DOP1B: variants seen among roughly 807,000 people sequenced by gnomAD.
DOP1B encodes the protein DOP1 leucine zipper like protein B.
A neutral mutation model predicts 233.5 loss-of-function variants in DOP1B; 174 were observed. The ratio of observed to expected loss-of-function variants is 0.75; its 90% CI spans 0.66 to 0.85. The LOEUF is 0.85. Among genes scored for constraint, DOP1B ranks in the 40% least tolerant of loss-of-function variants. The pLI, the probability that DOP1B is intolerant of heterozygous loss-of-function variation, is 0.00. For synonymous variants in DOP1B, 1,190 were observed against 1,185.6 expected, an observed-to-expected ratio of 1.00 and a Z score of -0.08; for missense variants, 2,652 against 2,846.6, an observed-to-expected ratio of 0.93 and a Z score of 1.56.
chr21:36,196,634 C>T (rs989776557), intron 2 of DOP1B, among the ~76,000 whole-genome samples: 2 of 151,856 alleles, frequency 1.3e-5, no homozygotes, highest in Non-Finnish European at 2.9e-5. Flanking sequence ...AAGGGCTAGG[C>T]GCAGTGGCTC....
In DOP1B at chr21:36,293,574, A is replaced by G. The variant is rs377257396; in HGVS notation, c.*3A>G. 16 of 1,613,774 alleles carry G rather than the reference A, an allele frequency of 9.9e-6. No individual in the cohort carries two copies. The African/African-American group carries it at 1.1e-4, about 11-fold the overall frequency. ...TTCTGGAACATCCAGAATGTTAACC[A>G]TGTGAGAGAGAATATGTTTAATCCA... On this transcript the variant is annotated 3_prime_UTR_variant, in exon 37 of 37. Transcript: ENST00000691173.
chr21:36,202,778 C>T (rs1569018316), intron 4 of DOP1B, among the ~76,000 whole-genome samples: 1 of 152,176 alleles, frequency 6.6e-6, no homozygotes, highest in African/African-American at 2.4e-5. Flanking sequence ...AGCCCAGCGC[C>T]AGGCCCTGTG....
In DOP1B at chr21:36,292,113, G is replaced by T; in HGVS notation, c.6525G>T (p.Trp2175Cys). ...TGTTTGTTCCCTGCAGTTATAGGTG[G>T]GCATTTATTCCAGAAGTGGACACAG... ...DKMPLFQIYR[W>C]AFIPEVDTEG... Residue 2175 changes from tryptophan to cysteine, a missense_variant, in exon 36 of 37, where the codon TGG becomes TGT. Transcript: ENST00000691173. 1.9e-6 allele frequency: 3 copies of T among 1,600,026 alleles called. No individual in the cohort carries two copies. Among genetic ancestry groups the T allele is most frequent in the Non-Finnish European group, 2.6e-6 (3 of 1,176,154 alleles).
chr21:36,268,666 C>T (rs35889693), intron 26 of DOP1B, among the ~76,000 whole-genome samples: 26,297 of 152,148 alleles, frequency 0.17, 2,454 homozygotes, highest in South Asian at 0.26. Context: ...CGGCTCCAGT[C>T]GGTCCCTTTG....
At chr21:36,158,455 C>T (rs1273023958) in intron 1 of DOP1B, among the ~76,000 whole-genome samples, 1 of 152,150 alleles carries the variant, frequency 6.6e-6, no homozygotes, top group Non-Finnish European at 1.5e-5. Flanking sequence ...GGCCTGACTT[C>T]TAATATCCTC....
In DOP1B at chr21:36,245,281, C is replaced by T. The variant is rs775044221; in HGVS notation, c.3301C>T (p.His1101Tyr). Residue 1101 changes from histidine to tyrosine, a missense_variant, in exon 19 of 37, where the codon CAC becomes TAC. His to Tyr is a moderately conservative substitution (Grantham distance 83). Transcript: ENST00000691173. This position sits in a 1 kb window ranked among gnomAD's most constrained non-coding sequence, Gnocchi z 5.5. ...CGTGGAGCTTCCAGACAGGACGGCC[C>T]ACGGCGCCCCGGACAGCAGCGAGCA... ...YYVELPDRTA[H>Y]GAPDSSEHTE... is the part of the protein sequence containing the mutation. The T allele has an allele frequency of 1.6e-5, 26 of 1,614,110 alleles. No individual in the cohort carries two copies. Among genetic ancestry groups the T allele is most frequent in the Non-Finnish European group, 2.2e-5 (26 of 1,180,034 alleles).
At chr21:36,237,175 C>T (rs896236087) in intron 15 of DOP1B, 87 bp from the exon 16 acceptor site, 9 of 1,549,452 alleles carry the variant, frequency 5.8e-6, no homozygotes, top group African/African-American at 1.4e-5. Flanking sequence ...TCCAGTATGT[C>T]GGGGCTGGGA....
At chr21:36,174,053 T>C (rs1181282544) in intron 2 of DOP1B, among the ~76,000 whole-genome samples, 1 of 152,136 alleles carries the variant, frequency 6.6e-6, no homozygotes, top group East Asian at 1.9e-4. Context: ...TACAAGCACC[T>C]CCTGTTTAAA....
intron 24 of DOP1B, chr21:36,261,785 C>A: frequency 1.8e-6 from 1 of 555,700 alleles, no homozygotes; most frequent in Non-Finnish European, 2.3e-6. Flanking sequence ...TGGCAGCATG[C>A]CTGTAGTCCC....
chr21:36,234,166 A>T (rs1439867535), intron 15 of DOP1B, among the ~76,000 whole-genome samples: 1 of 151,910 alleles, frequency 6.6e-6, no homozygotes, highest in East Asian at 1.9e-4. Context: ...CTGCTTATTG[A>T]CTTTTGTACC....
intron 2 of DOP1B, among the ~76,000 whole-genome samples, chr21:36,178,155 C>A (rs553232050): frequency 2.0e-5 from 3 of 152,250 alleles, no homozygotes; most frequent in Admixed American, 2.0e-4. Context: ...TAAATGAGGT[C>A]ATGAGGATGA....
rs1325869345 is a variant in DOP1B, at chr21:36,263,721, A to G, written c.5421-27A>G. 1.9e-6 allele frequency: 3 copies of G among 1,613,944 alleles called. No homozygotes were observed. The South Asian group carries it at 3.3e-5, about 18-fold the overall frequency. On this transcript the variant is annotated intron_variant, in intron 25 of 36. Transcript: ENST00000691173. ...CATATTTTATTTCTGCAGCATTTTT[A>G]ATCTGAAGCTGATTGTCTCCCAACA...
Position 36,247,633 on chromosome 21 carries a change from ATT to A in DOP1B, c.4809+15_4809+16del. 2.9e-6 allele frequency: 4 copies of A among 1,393,162 alleles called. No homozygotes were observed. The highest frequency in any genetic ancestry group is 2.7e-5 in the South Asian group (2 of 74,132). The allele number at this position is 1,393,162 out of a possible 1,614,324, so 86.3% of individuals were successfully genotyped here. On this transcript the variant is annotated splice_donor_region_variant and intron_variant, in intron 20 of 36. Coordinates refer to ENST00000691173, the MANE Select transcript of DOP1B (RefSeq NM_001320714.2). Reference sequence around the variant, plus strand: ...CAAGCCAACCAAAACAAAAAGGTAAATTTTTTTTTTTCCTGAGTTCAAGGCAA... The same window carrying A: ...CAAGCCAACCAAAACAAAAAGGTAAATTTTTTTTTCCTGAGTTCAAGGCAA...
intron 36 of DOP1B, among the ~76,000 whole-genome samples, chr21:36,292,563 C>T (rs1033164616): frequency 6.6e-6 from 1 of 151,504 alleles, no homozygotes; most frequent in Non-Finnish European, 1.5e-5. Context: ...GCTGGAACTA[C>T]AGGCGCACGC....
chr21:36,279,968 C>T (rs866721496), intron 30 of DOP1B, among the ~76,000 whole-genome samples: 7 of 152,158 alleles, frequency 4.6e-5, no homozygotes, highest in African/African-American at 1.2e-4. Context: ...CTCCACCTCC[C>T]GGGTTCAAGC....
At chr21:36,227,030 C>A (rs1484645786) in intron 12 of DOP1B, among the ~76,000 whole-genome samples, 2 of 150,462 alleles carry the variant, frequency 1.3e-5, no homozygotes, top group East Asian at 3.9e-4. Context: ...ACGGTGAAAC[C>A]CCGTCTCTAC....
At position 36,247,607 on chromosome 21, in the gene DOP1B, A is replaced by G. The variant is rs1216156465; in HGVS notation, c.4788A>G (p.Glu1596=). ...LTTISHFCLL[E]QANQNKKTMA... ...CCATTAGTCATTTTTGTCTTTTGGAACAAGCCAACCAAAACAAAAAGGTAA... is the reference window on the plus strand; with the variant it reads ...CCATTAGTCATTTTTGTCTTTTGGAGCAAGCCAACCAAAACAAAAAGGTAA... Residue 1596 remains glutamate, a synonymous_variant, in exon 20 of 37, where the codon GAA becomes GAG. Transcript: ENST00000691173. The G allele has an allele frequency of 4.4e-6, 7 of 1,603,050 alleles. No homozygotes were observed. In the Admixed American group the frequency reaches 7.0e-5, roughly 16 times the overall value.
intron 4 of DOP1B, among the ~76,000 whole-genome samples, chr21:36,202,435 C>T (rs772222287): frequency 6.6e-6 from 1 of 152,168 alleles, no homozygotes; most frequent in South Asian, 2.1e-4. Flanking sequence ...GCTGGAGGCC[C>T]TAGTCAGGTC....
intron 2 of DOP1B, among the ~76,000 whole-genome samples, chr21:36,195,357 A>T (rs1477246947): frequency 6.9e-6 from 1 of 143,908 alleles, no homozygotes; most frequent in Non-Finnish European, 1.5e-5. Flanking sequence ...AAAAAAAAAA[A>T]AAAAATCCCC....
Sources: allele counts gnomAD v4.1 joint callset (sites outside exome capture counted in the v4.1 genomes callset), GRCh38; gene constraint gnomAD v4.1.1; non-coding constraint Gnocchi (gnomAD v3.1); transcripts MANE v1.5; gene names NCBI Gene and HGNC (gene_info 2026-07-23, HGNC 2026-07-21).